Variants in GLRA2 observed in about 807,000 individuals in gnomAD.
GLRA2 encodes the protein glycine receptor alpha 2, also known as glycine receptor subunit alpha-2.
In GLRA2, 11 loss-of-function variants were observed where a neutral mutation model predicts 31.6. The observed-to-expected ratio is 0.35, with a 90% confidence interval of 0.22 to 0.58. The LOEUF is 0.58. GLRA2 is among the 20% of genes least tolerant of loss of function. The pLI, the probability that GLRA2 is intolerant of heterozygous loss-of-function variation, is 0.84. For synonymous variants in GLRA2, 132 were observed against 134.0 expected, an observed-to-expected ratio of 0.99 and a Z score of 0.10; for missense variants, 212 against 351.8, an observed-to-expected ratio of 0.60 and a Z score of 3.18.
At chrX:14,600,561 A>G (rs1486663297) in intron 4 of GLRA2, among the ~76,000 whole-genome samples, 1 of 110,778 alleles carries the variant, frequency 9.0e-6, no homozygotes, top group Non-Finnish European at 1.9e-5. Flanking sequence ...TAAATGGACA[A>G]ATTATAGTTG....
intron 2 of GLRA2, among the ~76,000 whole-genome samples, chrX:14,559,489 G>A (rs1248382777): frequency 1.1e-5 from 1 of 87,184 alleles, no homozygotes; most frequent in Non-Finnish European, 2.2e-5. Flanking sequence ...GGAGTGCAGT[G>A]GCTGCAACCT....
intron 7 of GLRA2, among the ~76,000 whole-genome samples, chrX:14,618,128 T>C (rs985968063): frequency 8.9e-6 from 1 of 112,143 alleles, no homozygotes; most frequent in Admixed American, 9.5e-5. Context: ...TCTTAAAATT[T>C]ACCATTTCTT....
chrX:14,483,107 G>A, the GLRA2 span, among the ~76,000 whole-genome samples: 7 of 111,915 alleles, frequency 6.3e-5, no homozygotes, highest in Admixed American at 6.7e-4. Flanking sequence ...TCATGAAAGA[G>A]ATACCTGAAT....
intron 8 of GLRA2, among the ~76,000 whole-genome samples, chrX:14,704,105 T>A (rs757572584): frequency 2.7e-5 from 3 of 112,069 alleles, no homozygotes; most frequent in African/African-American, 9.7e-5. Context: ...TTTTTGTGCC[T>A]AAAGTGTGGA....
chrX:14,551,675 T>C (rs1352146684), intron 2 of GLRA2, among the ~76,000 whole-genome samples: 1 of 111,989 alleles, frequency 8.9e-6, no homozygotes, highest in Non-Finnish European at 1.9e-5. Flanking sequence ...ACCAAAAACA[T>C]GCCCTTTCAT....
At chrX:14,452,947 A>G in the GLRA2 span, among the ~76,000 whole-genome samples, 41 of 111,935 alleles carry the variant, frequency 3.7e-4, no homozygotes, top group African/African-American at 1.3e-3. Flanking sequence ...CTAGCAAACA[A>G]ATGGGAGTAG....
At chrX:14,673,081 T>C (rs1176991869) in intron 7 of GLRA2, among the ~76,000 whole-genome samples, 3 of 111,542 alleles carry the variant, frequency 2.7e-5, no homozygotes, top group Non-Finnish European at 3.8e-5. Flanking sequence ...ACCATTCAAT[T>C]GAAATTCATA....
chrX:14,586,149 C>T (rs1007455349), intron 4 of GLRA2, among the ~76,000 whole-genome samples: 5 of 110,821 alleles, frequency 4.5e-5, no homozygotes, highest in African/African-American at 9.8e-5. Context: ...ATCTGTATTC[C>T]AAAAGGTAGG....
At chrX:14,646,869 G>A (rs921129687) in intron 7 of GLRA2, among the ~76,000 whole-genome samples, 7 of 111,992 alleles carry the variant, frequency 6.3e-5, no homozygotes, top group Non-Finnish European at 1.1e-4. Flanking sequence ...AAAATAAGAA[G>A]TGACAGTTTA....
chrX:14,455,322 G>A, the GLRA2 span, among the ~76,000 whole-genome samples: 1 of 111,763 alleles, frequency 8.9e-6, no homozygotes, highest in African/African-American at 3.2e-5. Context: ...AGCCAAGATG[G>A]AACGAGTGTC....
At chrX:14,692,822 G>A (rs764814194) in intron 8 of GLRA2, among the ~76,000 whole-genome samples, 1 of 111,692 alleles carries the variant, frequency 9.0e-6, no homozygotes, top group African/African-American at 3.2e-5. Flanking sequence ...CTGTACCTGG[G>A]CTCTGTGGGA....
intron 2 of GLRA2, among the ~76,000 whole-genome samples, chrX:14,554,371 C>A (rs1295510485): frequency 8.9e-6 from 1 of 111,805 alleles, no homozygotes; most frequent in African/African-American, 3.3e-5. Context: ...AACAAGTCCC[C>A]ATTTGTGGAA....
intron 3 of GLRA2, among the ~76,000 whole-genome samples, chrX:14,576,716 C>T (rs1394059801): frequency 8.9e-6 from 1 of 112,275 alleles, no homozygotes; most frequent in Non-Finnish European, 1.9e-5. Context: ...TTAACAGCTA[C>T]TGAAAGTTTA....
chrX:14,562,258 A>T (rs1379764533), intron 2 of GLRA2, among the ~76,000 whole-genome samples: 2 of 112,332 alleles, frequency 1.8e-5, no homozygotes, highest in Non-Finnish European at 3.8e-5. Flanking sequence ...GTTTACAGCA[A>T]CCAAATGTCC....
At chrX:14,666,360 T>A (rs747123166) in intron 7 of GLRA2, among the ~76,000 whole-genome samples, 2 of 112,180 alleles carry the variant, frequency 1.8e-5, no homozygotes, top group South Asian at 7.4e-4. Flanking sequence ...TAGTTTTAGA[T>A]GTAAAGGTAA....
At chrX:14,505,881 C>T in the GLRA2 span, among the ~76,000 whole-genome samples, 79 of 111,512 alleles carry the variant, frequency 7.1e-4, no homozygotes, top group African/African-American at 2.5e-3. Context: ...CTGTGCTGGA[C>T]CTATATGGCT....
At chrX:14,563,288 T>C (rs1285846097) in intron 2 of GLRA2, among the ~76,000 whole-genome samples, 1 of 112,169 alleles carries the variant, frequency 8.9e-6, no homozygotes, top group Non-Finnish European at 1.9e-5. Context: ...GGTTGGTTGG[T>C]TGATTGGTTG....
the GLRA2 span, among the ~76,000 whole-genome samples, chrX:14,476,145 G>A: frequency 2.7e-5 from 3 of 111,753 alleles, no homozygotes; most frequent in Non-Finnish European, 3.8e-5. Flanking sequence ...CAAGGACCAC[G>A]CTTACAGTCC....
intron 1 of GLRA2, among the ~76,000 whole-genome samples, chrX:14,531,550 T>C (rs1247359669): frequency 1.8e-5 from 2 of 111,404 alleles, no homozygotes; most frequent in Non-Finnish European, 3.8e-5. Flanking sequence ...TTTTCATCAA[T>C]ATTTTTTAGA....
Sources: allele counts gnomAD v4.1 joint callset (sites outside exome capture counted in the v4.1 genomes callset), GRCh38; gene constraint gnomAD v4.1.1; transcripts MANE v1.5; gene names NCBI Gene and HGNC (gene_info 2026-07-23, HGNC 2026-07-21).